Variants in SUCLG2 observed in about 807,000 individuals in gnomAD.
SUCLG2 encodes succinate-CoA ligase GDP-forming subunit beta, also known as succinate--CoA ligase [GDP-forming] subunit beta, mitochondrial.
SUCLG2 carries 42 observed loss-of-function variants against 47.9 expected under a neutral mutation model. The ratio of observed to expected loss-of-function variants is 0.88; its 90% CI spans 0.69 to 1.14. The LOEUF (loss-of-function observed/expected upper bound fraction) is 1.14, where lower values mean the gene tolerates loss of function less well. Ranked by LOEUF, SUCLG2 falls within the 50% of genes most tolerant of loss-of-function variation. The pLI, the probability that SUCLG2 is intolerant of heterozygous loss-of-function variation, is 0.00. For synonymous variants in SUCLG2, 195 were observed against 197.3 expected, an observed-to-expected ratio of 0.99 and a Z score of 0.10; for missense variants, 571 against 525.9, an observed-to-expected ratio of 1.09 and a Z score of -0.84.
intron 9 of SUCLG2, among the ~76,000 whole-genome samples, chr3:67,409,308 T>C (rs916428037): frequency 6.6e-6 from 1 of 152,136 alleles, no homozygotes; most frequent in African/African-American, 2.4e-5. Context: ...TCTCCATGTC[T>C]GAAACACTGA....
intron 9 of SUCLG2, among the ~76,000 whole-genome samples, chr3:67,454,719 T>C (rs1418878569): frequency 1.3e-5 from 2 of 152,164 alleles, no homozygotes; most frequent in Non-Finnish European, 2.9e-5. Context: ...TCCCAACACT[T>C]TGGGAGGCCA....
rs117800850 is a variant in SUCLG2, at chr3:67,485,541, G to A, written c.1062+10257C>T. ...ATACTGCTAGGAAAATGATGATCAA[G>A]AAGACTAACAACATGAGAAGATGTT... On this transcript the variant is annotated intron_variant, in intron 9 of 10. Coordinates refer to ENST00000307227, the MANE Select transcript of SUCLG2 (RefSeq NM_003848.4). 3.7e-4 allele frequency among the ~76,000 whole-genome samples: 56 copies of A among 152,244 alleles called. No homozygotes were observed. The East Asian group carries it at 0.011, about 29-fold the overall frequency.
At chr3:67,488,109 G>A (rs1705105294) in intron 9 of SUCLG2, among the ~76,000 whole-genome samples, 1 of 151,226 alleles carries the variant, frequency 6.6e-6, no homozygotes, top group Admixed American at 6.6e-5. Context: ...ACTAGTGTGT[G>A]TATATATATA....
chr3:67,363,145 C>G (rs1186943509), intron 10 of SUCLG2, among the ~76,000 whole-genome samples: 1 of 152,080 alleles, frequency 6.6e-6, no homozygotes, highest in Non-Finnish European at 1.5e-5. Context: ...TCTTGCTCAA[C>G]CAAAAAATAA....
intron 1 of SUCLG2, among the ~76,000 whole-genome samples, chr3:67,649,426 ATTTG>A (rs943111903): frequency 6.6e-6 from 1 of 152,212 alleles, no homozygotes; most frequent in Non-Finnish European, 1.5e-5. Flanking sequence ...CATAAATGAT[ATTTG>A]TTTGATTTTT....
intron 1 of SUCLG2, among the ~76,000 whole-genome samples, chr3:67,643,899 ACTC>A (rs1199507148): frequency 6.6e-6 from 1 of 151,968 alleles, no homozygotes; most frequent in Admixed American, 6.5e-5. Flanking sequence ...CTTGTCTTCA[ACTC>A]CTGACCTCAG....
intron 2 of SUCLG2, among the ~76,000 whole-genome samples, chr3:67,548,824 G>A (rs1161036549): frequency 6.6e-6 from 1 of 152,068 alleles, no homozygotes; most frequent in Non-Finnish European, 1.5e-5. Context: ...AGCACAAAGC[G>A]CAATGTCCAA....
At chr3:67,488,806 T>C (rs1021926553) in intron 9 of SUCLG2, among the ~76,000 whole-genome samples, 5 of 152,216 alleles carry the variant, frequency 3.3e-5, no homozygotes, top group African/African-American at 9.6e-5. Flanking sequence ...CTATATGGCA[T>C]TATACTTTGA....
chr3:67,523,014 T>C (rs143402652), intron 4 of SUCLG2, among the ~76,000 whole-genome samples: 3,041 of 152,132 alleles, frequency 0.02, 93 homozygotes, highest in African/African-American at 0.07. Flanking sequence ...GGTCTCAATC[T>C]CCTGACCTCG....
chr3:67,407,982 T>TA (rs1281828346), intron 9 of SUCLG2, among the ~76,000 whole-genome samples: 1 of 152,152 alleles, frequency 6.6e-6, no homozygotes, highest in Admixed American at 6.6e-5. Context: ...CTGGATTTAA[T>TA]AAAAAATACT....
chr3:67,360,890 T>A, intron 10 of SUCLG2: 1 of 820,796 alleles, frequency 1.2e-6, no homozygotes, highest in Non-Finnish European at 1.7e-6. Flanking sequence ...ATCGTGTTAC[T>A]GATTCTTCTC....
rs537631842 is a variant in SUCLG2 at position 67,518,272 on chromosome 3, C to G, written c.635G>C (p.Gly212Ala). 6.2e-7 allele frequency: 1 copy of G among 1,612,584 alleles called. No individual in the cohort carries two copies. The highest frequency in any genetic ancestry group is 1.1e-5 in the South Asian group (1 of 90,748). The stretch of plus-strand genomic sequence containing the variant: ...CTGGCTTTTCAAAGGCCCAACGAAG[C>G]CTAGATTTTCGGCCATCCGCTGAGC... ...SQAQRMAENL[G>A]FVGPLKSQAA... Residue 212 changes from glycine to alanine, a missense_variant, in exon 6 of 11, where the codon GGC becomes GCC. By Grantham distance (60) the Gly-to-Ala change is moderately conservative. Coordinates refer to ENST00000307227, the MANE Select transcript of SUCLG2 (RefSeq NM_003848.4).
chr3:67,398,364 A>G (rs1403639579), intron 10 of SUCLG2, among the ~76,000 whole-genome samples: 1 of 151,490 alleles, frequency 6.6e-6, no homozygotes, highest in African/African-American at 2.4e-5. Flanking sequence ...GGTAAAGGAC[A>G]TGAACAGACA....
Position 67,530,901 on chromosome 3 carries a change from T to C in SUCLG2, c.227-1715A>G, listed in dbSNP as rs78470928. Among the ~76,000 whole-genome samples the C allele has an allele frequency of 8.7e-3, 1,318 of 152,288 alleles. 14 individuals carry two copies. The highest frequency in any genetic ancestry group is 0.03 in the African/African-American group (1,251 of 41,554). ...AAAGCAACCAAGTAAAATGAATACA[T>C]TGCATATTTAGCTTACTGCAAGAAC... On this transcript the variant is annotated intron_variant, in intron 2 of 10. Transcript: ENST00000307227.
At chr3:67,371,542 ATGGCCCTTGCCT>A (rs543076783), downstream of SUCLG2, among the ~76,000 whole-genome samples, 13 of 152,294 alleles carry the variant, frequency 8.5e-5, no homozygotes, top group African/African-American at 2.9e-4. Context: ...TCCCTAGAAA[ATGGCCCTTGCCT>A]TATGCCTTGT....
intron 2 of SUCLG2, among the ~76,000 whole-genome samples, chr3:67,606,913 A>G (rs1027279912): frequency 6.6e-6 from 1 of 152,248 alleles, no homozygotes; most frequent in Non-Finnish European, 1.5e-5. Flanking sequence ...TTCAACTGAC[A>G]TAACATAGAA....
chr3:67,482,758 T>G (rs1326853787), intron 9 of SUCLG2, among the ~76,000 whole-genome samples: 1 of 152,184 alleles, frequency 6.6e-6, no homozygotes, highest in Non-Finnish European at 1.5e-5. Flanking sequence ...CTAAGTCACT[T>G]TTGTCTCCCT....
chr3:67,504,472 T>C (rs1033935727), intron 7 of SUCLG2, among the ~76,000 whole-genome samples: 2 of 152,200 alleles, frequency 1.3e-5, no homozygotes, highest in African/African-American at 4.8e-5. Context: ...CTTAGCCAGA[T>C]AGTCACTGCT....
At chr3:67,588,921 T>G (rs1393605525) in intron 2 of SUCLG2, among the ~76,000 whole-genome samples, 3 of 152,200 alleles carry the variant, frequency 2.0e-5, no homozygotes, top group African/African-American at 7.2e-5. Context: ...TAACAATCCC[T>G]TGTTTAAAAT....
Sources: gnomAD v4.1 joint callset for allele counts (sites outside exome capture counted in the v4.1 genomes callset) on GRCh38, gnomAD v4.1.1 for gene constraint, MANE v1.5 for transcripts, NCBI Gene and HGNC (gene_info 2026-07-23, HGNC 2026-07-21) for gene names.